The following FBXO42 variants were observed in gnomAD, a reference collection of about 807,000 sequenced individuals.
FBXO42 encodes the protein F-box protein 42.
Under a neutral mutation model 71.7 loss-of-function variants are expected in FBXO42, and 12 were observed. The observed-to-expected ratio is 0.17, with a 90% CI of 0.11 to 0.27. The LOEUF (loss-of-function observed/expected upper bound fraction) is 0.27, where lower values mean the gene tolerates loss of function less well. FBXO42 is among the 10% of genes least tolerant of loss of function. The pLI, the probability that FBXO42 is intolerant of heterozygous loss-of-function variation, is 1.00. For missense variants in FBXO42, 707 were observed against 911.9 expected, an observed-to-expected ratio of 0.78 and a Z score of 2.89; for synonymous variants, 325 against 327.5, an observed-to-expected ratio of 0.99 and a Z score of 0.08.
chr1:16,347,992 C>CAAA (rs541561756), intron 1 of FBXO42, among the ~76,000 whole-genome samples: 1 of 67,734 alleles, frequency 1.5e-5, no homozygotes, highest in Non-Finnish European at 3.0e-5. Flanking sequence ...GACTCCGTCT[C>CAAA]AAAAAAAAAA....
At chr1:16,266,307 A>T (rs908213615) in intron 4 of FBXO42, among the ~76,000 whole-genome samples, 1 of 152,212 alleles carries the variant, frequency 6.6e-6, no homozygotes, top group Admixed American at 6.5e-5. Context: ...GAATTTGAGG[A>T]AAAGAGCCAT....
rs114162327 is a variant in FBXO42 at position 16,303,942 on chromosome 1, G to A, written c.367+1861C>T. ...TTATATATATATTTTTTTAAGAGAC[G>A]GGGTTTCACCGTGTTAGCCAAGATG... On this transcript the variant is annotated intron_variant, in intron 3 of 9. Transcript: ENST00000375592. 1.3e-3 allele frequency among the ~76,000 whole-genome samples: 190 copies of A among 151,300 alleles called. 1 individual carries two copies. The highest frequency in any genetic ancestry group is 4.3e-3 in the African/African-American group (179 of 41,244).
chr1:16,285,422 C>T (rs879408707), intron 4 of FBXO42, among the ~76,000 whole-genome samples: 4 of 151,748 alleles, frequency 2.6e-5, no homozygotes, highest in Non-Finnish European at 5.9e-5. Context: ...TATAGGCAGG[C>T]GCCACCATGC....
At chr1:16,297,285 A>G (rs140199422) in intron 3 of FBXO42, among the ~76,000 whole-genome samples, 20 of 152,052 alleles carry the variant, frequency 1.3e-4, no homozygotes, top group African/African-American at 4.8e-4. Flanking sequence ...CCCTCCTGTT[A>G]GACCCCTGGG....
intron 2 of FBXO42, among the ~76,000 whole-genome samples, chr1:16,313,510 G>C (rs2082336581): frequency 1.3e-5 from 2 of 152,100 alleles, no homozygotes; most frequent in Non-Finnish European, 2.9e-5. Flanking sequence ...CCACATTGCA[G>C]GGAGCCAATC....
At chr1:16,338,103 CA>C (rs1164209039) in intron 1 of FBXO42, among the ~76,000 whole-genome samples, 25 of 150,130 alleles carry the variant, frequency 1.7e-4, no homozygotes, top group African/African-American at 5.4e-4. Flanking sequence ...ACTAAAAATA[CA>C]AAAAATTAGC....
At chr1:16,346,099 A>G (rs1381888201) in intron 1 of FBXO42, among the ~76,000 whole-genome samples, 1 of 152,154 alleles carries the variant, frequency 6.6e-6, no homozygotes, top group Non-Finnish European at 1.5e-5. Context: ...AAATCCATGT[A>G]CAATATAGTG....
In FBXO42 at chr1:16,335,063, C is replaced by CAAAAAAAAAAAAAA. The variant is rs55983316; in HGVS notation, c.-18+17178_-18+17191dup. Among the ~76,000 whole-genome samples the CAAAAAAAAAAAAAA allele has an allele frequency of 1.6e-4, 11 of 69,022 alleles. 2 individuals are homozygous for CAAAAAAAAAAAAAA. Among genetic ancestry groups the CAAAAAAAAAAAAAA allele is most frequent in the Non-Finnish European group, 2.8e-4 (11 of 39,272 alleles). 45.3% of individuals were successfully genotyped at this position (69,022 alleles called of 152,430 possible). On this transcript the variant is annotated intron_variant, in intron 1 of 9. Transcript: ENST00000375592. ...GCAACACAGCAAAACCTCGTCTGTA[C>CAAAAAAAAAAAAAA]AAAAAAAAAAAAAAAAAAAAAAAAA...
chr1:16,278,445 G>A (rs1001266681), intron 4 of FBXO42, among the ~76,000 whole-genome samples: 2 of 151,894 alleles, frequency 1.3e-5, no homozygotes, highest in Non-Finnish European at 2.9e-5. Flanking sequence ...GCCAAAGGAT[G>A]GACTGGGAAA....
At chr1:16,333,255 T>C (rs1054161406) in intron 1 of FBXO42, among the ~76,000 whole-genome samples, 5 of 152,162 alleles carry the variant, frequency 3.3e-5, no homozygotes, top group South Asian at 4.1e-4. Flanking sequence ...ATACTAGAGA[T>C]AGTTTCTACT....
Position 16,252,010 on chromosome 1 carries a change from G to A in FBXO42, c.1039-225C>T, listed in dbSNP as rs1462947025. ...TCATTAGAGATATGTATACAGAAGG[G>A]GTGGGGAGAAGGGAACAATCAATTT... On this transcript the variant is annotated intron_variant, in intron 9 of 9. Transcript: ENST00000375592. This position sits in a 1 kb window ranked among gnomAD's most constrained non-coding sequence, Gnocchi z 4.4. Among the ~76,000 whole-genome samples the A allele has an allele frequency of 6.6e-6, 1 of 152,186 alleles. No individual in the cohort carries two copies. Among genetic ancestry groups the A allele is most frequent in the Non-Finnish European group, 1.5e-5 (1 of 68,044 alleles).
At chr1:16,339,040 C>T (rs2082578882) in intron 1 of FBXO42, among the ~76,000 whole-genome samples, 1 of 151,866 alleles carries the variant, frequency 6.6e-6, no homozygotes, top group Admixed American at 6.6e-5. Context: ...AAATTCCCAA[C>T]CTCAAGCGAT....
intron 1 of FBXO42, among the ~76,000 whole-genome samples, chr1:16,331,338 G>A (rs918420727): frequency 2.6e-5 from 4 of 151,610 alleles, no homozygotes; most frequent in African/African-American, 7.3e-5. Flanking sequence ...GCGTGAACCC[G>A]GGGGAGGCAG....
chr1:16,344,276 T>C (rs964046493), intron 1 of FBXO42, among the ~76,000 whole-genome samples: 1 of 151,254 alleles, frequency 6.6e-6, no homozygotes, highest in Non-Finnish European at 1.5e-5. Context: ...GGGATTACTT[T>C]AAGTTAGCTT....
chr1:16,253,167 A>G lies in FBXO42; in HGVS notation c.865-15T>C. 2.5e-6 allele frequency: 4 copies of G among 1,611,242 alleles called. No individual in the cohort carries two copies. The highest frequency in any genetic ancestry group is 3.4e-6 in the Non-Finnish European group (4 of 1,178,810). On this transcript the variant is annotated splice_polypyrimidine_tract_variant and intron_variant, in intron 7 of 9. Coordinates refer to ENST00000375592, the MANE Select transcript of FBXO42 (RefSeq NM_018994.3). ...TCTATGACAATCTGAGGAGGGGAAGACATTGAAAATAAACCTACAAAGACA... is the reference window on the plus strand; with the variant it reads ...TCTATGACAATCTGAGGAGGGGAAGGCATTGAAAATAAACCTACAAAGACA...
chr1:16,253,291 A>G (rs2081609618), intron 7 of FBXO42, 139 bp from the exon 8 acceptor site: 6 of 672,400 alleles, frequency 8.9e-6, no homozygotes, highest in East Asian at 2.8e-5. Context: ...CATTCTCCTA[A>G]AAACATATCA....
At position 16,305,248 on chromosome 1, in the gene FBXO42, C is replaced by T. The variant is rs182070564; in HGVS notation, c.367+555G>A. On this transcript the variant is annotated intron_variant, in intron 3 of 9. Coordinates refer to ENST00000375592, the MANE Select transcript of FBXO42 (RefSeq NM_018994.3). The stretch of plus-strand genomic sequence containing the variant: ...AATAATTTTTTAAAAATTAGCCAGG[C>T]GTGGTGGCATGCACCTGTGGGCCCA... Among the ~76,000 whole-genome samples, 4 of 151,170 alleles carry T rather than the reference C, an allele frequency of 2.6e-5. 1 individual carries two copies. Among genetic ancestry groups the T allele is most frequent in the Non-Finnish European group, 5.9e-5 (4 of 67,736 alleles).
At chr1:16,264,010 C>T (rs1191416075) in intron 4 of FBXO42, among the ~76,000 whole-genome samples, 1 of 151,974 alleles carries the variant, frequency 6.6e-6, no homozygotes, top group East Asian at 1.9e-4. Flanking sequence ...GAGGTTTCAC[C>T]ATGTTGGCCA....
rs74571362 is a variant in FBXO42 at position 16,275,611 on chromosome 1, C to G, written c.503-18852G>C. On this transcript the variant is annotated intron_variant, in intron 4 of 9. Transcript: ENST00000375592. ...TCCACTCAGGGACAAAAAGCTAGAC[C>G]CTGTCTCTTACCCAAAAACAGAAAA... Among the ~76,000 whole-genome samples, 904 of 152,022 alleles carry G rather than the reference C, an allele frequency of 5.9e-3. 7 individuals are homozygous for G. The highest frequency in any genetic ancestry group is 0.021 in the African/African-American group (868 of 41,444).
Sources: gnomAD v4.1 joint callset for allele counts (sites outside exome capture counted in the v4.1 genomes callset) on GRCh38, gnomAD v4.1.1 for gene constraint, Gnocchi (gnomAD v3.1) non-coding constraint, MANE v1.5 for transcripts, NCBI Gene and HGNC (gene_info 2026-07-23, HGNC 2026-07-21) for gene names.